Variants in BLNK observed in about 807,000 individuals in gnomAD.
BLNK encodes the protein B-cell linker protein.
In BLNK, 29 loss-of-function variants were observed where a neutral mutation model predicts 73.5. That is an observed-to-expected ratio of 0.39 (90% CI 0.29 to 0.54). The LOEUF (loss-of-function observed/expected upper bound fraction) is 0.54, where lower values mean the gene tolerates loss of function less well. Among genes scored for constraint, BLNK ranks in the 20% least tolerant of loss-of-function variants. BLNK has a pLI of 0.61. For synonymous variants in BLNK, 176 were observed against 200.8 expected (o/e 0.88, Z 1.04); for missense variants, 460 against 562.8 (o/e 0.82, Z 1.85).
At chr10:96,210,099 G>A in intron 8 of BLNK, 192 bp from the exon 9 acceptor site, 1 of 661,782 alleles carries the variant, frequency 1.5e-6, no homozygotes, top group South Asian at 1.7e-5. Context: ...CATTTTAAAA[G>A]TGTCAGTGTA....
chr10:96,226,954 C>T lies in BLNK; in HGVS notation c.361+456G>A, dbSNP rs1376086212. 2.6e-5 allele frequency among the ~76,000 whole-genome samples: 4 copies of T among 152,152 alleles called. No homozygotes were observed. In the East Asian group the frequency reaches 7.7e-4, roughly 29 times the overall value. The stretch of plus-strand genomic sequence containing the variant: ...GTATCCCCTGGTAAAACCGCATAGT[C>T]TGGACTAGGCATGGGAGGAAGGTGA... On this transcript the variant is annotated intron_variant, in intron 5 of 16. Coordinates refer to ENST00000224337, the MANE Select transcript of BLNK (RefSeq NM_013314.4).
intron 1 of BLNK, among the ~76,000 whole-genome samples, chr10:96,257,758 GGGCAT>G (rs1554911582): frequency 2.0e-5 from 3 of 152,192 alleles, no homozygotes; most frequent in African/African-American, 7.2e-5. Context: ...TGTGCACACT[GGGCAT>G]GGCACATGCA....
Position 96,189,526 on chromosome 10 carries a change from C to T in BLNK, c.*2447G>A, listed in dbSNP as rs1220275748. On this transcript the variant is annotated 3_prime_UTR_variant, in exon 17 of 17. Coordinates refer to ENST00000224337, the MANE Select transcript of BLNK (RefSeq NM_013314.4). ...TTAATGTCTTCTACAGAACTAGGCC[C>T]TTTTGGTGTTTTACGAGTTTTTTCC... The T allele has an allele frequency of 2.0e-5, 13 of 654,444 alleles. No homozygotes were observed. Among genetic ancestry groups the T allele is most frequent in the Middle Eastern group, 4.4e-4 (1 of 2,268 alleles). 40.5% of individuals were successfully genotyped at this position (654,444 alleles called of 1,614,324 possible). A position where few individuals can be genotyped will look rare whatever the true frequency, so the allele number is the denominator to read the frequency against.
intron 4 of BLNK, among the ~76,000 whole-genome samples, chr10:96,229,007 G>A (rs11188673): frequency 0.12 from 18,879 of 152,000 alleles, 1,291 homozygotes; most frequent in East Asian, 0.27. Flanking sequence ...TTTGAAACAG[G>A]CATACAACGT....
At chr10:96,201,681 C>T (rs1554896188) in intron 13 of BLNK, among the ~76,000 whole-genome samples, 2 of 151,940 alleles carry the variant, frequency 1.3e-5, no homozygotes, top group Admixed American at 6.6e-5. Context: ...CATCAACTCC[C>T]TCAAAGAGTT....
At chr10:96,256,297 T>C (rs1843506224) in intron 1 of BLNK, among the ~76,000 whole-genome samples, 1 of 152,206 alleles carries the variant, frequency 6.6e-6, no homozygotes, top group African/African-American at 2.4e-5. Context: ...TTCCTTGGCA[T>C]ATATAGAAAC....
chr10:96,238,810 A>G (rs587600739), intron 3 of BLNK: 21 of 247,490 alleles, frequency 8.5e-5, no homozygotes, highest in African/African-American at 2.9e-4. Flanking sequence ...TGGAACATCA[A>G]TGGATTTGCA....
chr10:96,258,817 A>G (rs1435012982), intron 1 of BLNK, among the ~76,000 whole-genome samples: 6 of 152,194 alleles, frequency 3.9e-5, no homozygotes, highest in Non-Finnish European at 2.9e-5. Context: ...AACCCTCACA[A>G]CTACCCTGTG....
At chr10:96,228,654 CCTT>C (rs1842374521) in intron 4 of BLNK, among the ~76,000 whole-genome samples, 1 of 152,216 alleles carries the variant, frequency 6.6e-6, no homozygotes. Flanking sequence ...AGTGCAGTCT[CCTT>C]CTCAGCCTCT....
intron 12 of BLNK, 116 bp from the exon 13 acceptor site, chr10:96,204,204 G>C: frequency 1.8e-6 from 2 of 1,139,966 alleles, no homozygotes; most frequent in Non-Finnish European, 2.6e-6. Context: ...CAATACAAAT[G>C]GCCAATAAAA....
chr10:96,255,911 G>C (rs1053694344), intron 1 of BLNK, among the ~76,000 whole-genome samples: 1 of 152,200 alleles, frequency 6.6e-6, no homozygotes, highest in East Asian at 1.9e-4. Flanking sequence ...ACTGAATCAA[G>C]CCTGAGCTTT....
intron 1 of BLNK, among the ~76,000 whole-genome samples, chr10:96,269,760 C>T (rs574414060): frequency 1.6e-4 from 25 of 152,308 alleles, no homozygotes; most frequent in African/African-American, 3.9e-4. Flanking sequence ...TTTGTCCAAT[C>T]ATACCAGGAC....
At chr10:96,205,036 G>A (rs1554897120) in intron 11 of BLNK, 3 of 268,836 alleles carry the variant, frequency 1.1e-5, no homozygotes, top group Admixed American at 9.7e-5. Flanking sequence ...GTCATAAGAC[G>A]TGGTATAAGC....
chr10:96,243,064 G>A (rs1429150824), intron 2 of BLNK, among the ~76,000 whole-genome samples: 1 of 152,158 alleles, frequency 6.6e-6, no homozygotes, highest in Non-Finnish European at 1.5e-5. Context: ...GAATATGATA[G>A]TAATAAGCAC....
Position 96,242,792 on chromosome 10 carries a change from TAAC to T in BLNK, c.114-11_114-9del, listed in dbSNP as rs1842919921. On this transcript the variant is annotated splice_polypyrimidine_tract_variant and intron_variant, in intron 2 of 16. Coordinates refer to ENST00000224337, the MANE Select transcript of BLNK (RefSeq NM_013314.4). ...GGTGCTTTGACTTTTAGCCTGGAAA[TAAC>T]AACCATGAGACAAAAGGTCAGTGAG... The T allele has an allele frequency of 3.1e-6, 5 of 1,613,242 alleles. No individual in the cohort carries two copies. The highest frequency in any genetic ancestry group is 4.2e-6 in the Non-Finnish European group (5 of 1,179,164).
At chr10:96,257,855 A>C (rs1467953599) in intron 1 of BLNK, among the ~76,000 whole-genome samples, 1 of 152,230 alleles carries the variant, frequency 6.6e-6, no homozygotes, top group African/African-American at 2.4e-5. Flanking sequence ...ATCACATGAC[A>C]GAAACCTTCT....
chr10:96,261,555 G>A (rs531298660), intron 1 of BLNK, among the ~76,000 whole-genome samples: 1 of 152,152 alleles, frequency 6.6e-6, no homozygotes, highest in Non-Finnish European at 1.5e-5. Context: ...ATCTAAGATC[G>A]GTTTGGCAAC....
At chr10:96,242,411 A>G (rs778268432) in intron 3 of BLNK, among the ~76,000 whole-genome samples, 7 of 152,180 alleles carry the variant, frequency 4.6e-5, no homozygotes, top group Admixed American at 6.5e-5. Flanking sequence ...ACAATAATCT[A>G]TCTTCCCTTC....
In BLNK at chr10:96,271,473, C is replaced by T; in HGVS notation, c.-75G>A. 6.7e-7 allele frequency: 1 copy of T among 1,495,066 alleles called. No individual in the cohort carries two copies. Among genetic ancestry groups the T allele is most frequent in the South Asian group, 1.1e-5 (1 of 88,658 alleles). The allele number at this position is 1,495,066 out of a possible 1,614,324, so 92.6% of individuals were successfully genotyped here. On this transcript the variant is annotated 5_prime_UTR_variant, in exon 1 of 17. Transcript: ENST00000224337. Reference sequence around the variant, plus strand: ...AGCAGTTCCTGGCCCTCCTAGGGAGCAGCATGGTAAGCCTCTGGTCTCAAG... The same window carrying T: ...AGCAGTTCCTGGCCCTCCTAGGGAGTAGCATGGTAAGCCTCTGGTCTCAAG...
Sources: gnomAD v4.1 joint callset for allele counts (sites outside exome capture counted in the v4.1 genomes callset) on GRCh38, gnomAD v4.1.1 for gene constraint, MANE v1.5 for transcripts, NCBI Gene and HGNC (gene_info 2026-07-23, HGNC 2026-07-21) for gene names.